The following ORC2 variants were observed in gnomAD, a reference collection of about 807,000 sequenced individuals.
ORC2 encodes the protein origin recognition complex subunit 2, also known as origin recognition complex protein 2 homolog.
Under a neutral mutation model 77.7 loss-of-function variants are expected in ORC2, and 37 were observed. The observed-to-expected ratio is 0.48, with a 90% CI of 0.37 to 0.63. The LOEUF is 0.63. Among genes scored for constraint, ORC2 ranks in the 20% least tolerant of loss-of-function variants. The pLI is 0.00. For synonymous variants in ORC2, 201 were observed against 229.5 expected (o/e 0.88, Z 1.12); for missense variants, 557 against 661.9 (o/e 0.84, Z 1.74).
chr2:200,950,002 A>G (rs568526427), intron 4 of ORC2, among the ~76,000 whole-genome samples: 25 of 152,238 alleles, frequency 1.6e-4, no homozygotes, highest in African/African-American at 6.0e-4. Context: ...GAAAAGTACA[A>G]TTGTTGAGGT....
At chr2:200,932,485 G>A (rs550402966) in intron 10 of ORC2, among the ~76,000 whole-genome samples, 30 of 151,886 alleles carry the variant, frequency 2.0e-4, no homozygotes, top group African/African-American at 7.0e-4. Flanking sequence ...GAGTACAGGC[G>A]CGTGCCACCA....
At position 200,923,654 on chromosome 2, in the gene ORC2, T is replaced by C. The variant is rs2040794673; in HGVS notation, c.1147+2182A>G. Among the ~76,000 whole-genome samples, 5 of 152,142 alleles carry C rather than the reference T, an allele frequency of 3.3e-5. No individual in the cohort carries two copies. In the South Asian group the frequency reaches 1.0e-3, roughly 32 times the overall value. On this transcript the variant is annotated intron_variant, in intron 13 of 17. Coordinates refer to ENST00000234296, the MANE Select transcript of ORC2 (RefSeq NM_006190.5). ...TGAAGGAAGTTTATATACACAGGTATTTTTTCCCCAAGGCACATCACAGCC... is the reference window on the plus strand; with the variant it reads ...TGAAGGAAGTTTATATACACAGGTACTTTTTCCCCAAGGCACATCACAGCC...
chr2:200,949,237 C>G (rs1490447773), intron 5 of ORC2, among the ~76,000 whole-genome samples: 1 of 146,820 alleles, frequency 6.8e-6, no homozygotes, highest in Non-Finnish European at 1.5e-5. Context: ...TGAGACTCCA[C>G]CTTTAAAAAA....
rs748085370 is a variant in ORC2 at position 200,935,803 on chromosome 2, T to C, written c.604A>G (p.Thr202Ala). ...TTTTGGCTGAATATGACTGCATTAG[T>C]GTCCTCTTCATGTTCCTGTGCAACC... ...EGVAQEHEED[T>A]NAVIFSQKIQ... The change falls in exon 9 of 18, where the codon ACT becomes GCT. Residue 202 changes from threonine to alanine, a missense_variant. Physicochemically the swap from Thr to Ala is moderately conservative, Grantham distance 58 (BLOSUM62 0). Coordinates refer to ENST00000234296, the MANE Select transcript of ORC2 (RefSeq NM_006190.5). The C allele has an allele frequency of 1.2e-6, 2 of 1,613,984 alleles. No individual in the cohort carries two copies. Among genetic ancestry groups the C allele is most frequent in the South Asian group, 1.1e-5 (1 of 91,080 alleles).
chr2:200,931,420 A>G lies in ORC2; in HGVS notation c.836T>C (p.Val279Ala), dbSNP rs745728732. Reference protein sequence around the residue: ...QQTLRNLLSKVSPSFSAELKQ... With the variant: ...QQTLRNLLSKASPSFSAELKQ... ...AAGTTCGGCAGAAAAGGAAGGGGAAACCTTGCTCAATAAGTTACGCAAAGT... is the reference window on the plus strand; with the variant it reads ...AAGTTCGGCAGAAAAGGAAGGGGAAGCCTTGCTCAATAAGTTACGCAAAGT... The change falls in exon 11 of 18, where the codon GTT (valine) becomes GCT (alanine). Residue 279 changes from valine (V) to alanine (A), a missense_variant. Val to Ala is a moderately conservative substitution (Grantham distance 64, BLOSUM62 0). Coordinates refer to ENST00000234296, the MANE Select transcript of ORC2 (RefSeq NM_006190.5). 1.3e-6 allele frequency: 2 copies of G among 1,548,300 alleles called. No individual in the cohort carries two copies. The highest frequency in any genetic ancestry group is 1.7e-6 in the Non-Finnish European group (2 of 1,154,168).
At chr2:200,946,396 A>T (rs2041250840) in intron 5 of ORC2, among the ~76,000 whole-genome samples, 1 of 152,198 alleles carries the variant, frequency 6.6e-6, no homozygotes, top group African/African-American at 2.4e-5. Context: ...TGTAAACACA[A>T]TTAGCAACAA....
rs570440869 is a variant in ORC2 at position 200,949,033 on chromosome 2, G to A, written c.328+521C>T. Among the ~76,000 whole-genome samples the A allele has an allele frequency of 2.6e-5, 4 of 151,990 alleles. No homozygotes were observed. In the South Asian group the frequency reaches 8.3e-4, roughly 32 times the overall value. On this transcript the variant is annotated intron_variant, in intron 5 of 17. Coordinates refer to ENST00000234296, the MANE Select transcript of ORC2 (RefSeq NM_006190.5). ...GTGGGTGGATCACTTGAGGTTTGGA[G>A]TTTGAGACCAACCTGGCCAACATGG...
chr2:200,926,647 A>G (rs2040842610), intron 12 of ORC2, 121 bp downstream of exon 12: 2 of 885,474 alleles, frequency 2.3e-6, no homozygotes. Flanking sequence ...ATTAAGCACT[A>G]TACAATCCTA....
chr2:200,953,950 A>T (rs1442065385), intron 4 of ORC2, among the ~76,000 whole-genome samples: 1 of 152,034 alleles, frequency 6.6e-6, no homozygotes, highest in Non-Finnish European at 1.5e-5. Context: ...CTGAGCAGCT[A>T]GGACTACAGG....
intron 17 of ORC2, among the ~76,000 whole-genome samples, chr2:200,911,807 C>A (rs1420298963): frequency 6.6e-6 from 1 of 152,188 alleles, no homozygotes. Context: ...TCCTCTCCAT[C>A]TATCACATTA....
chr2:200,918,476 TTTC>T (rs1244349863), intron 15 of ORC2, among the ~76,000 whole-genome samples: 1 of 152,004 alleles, frequency 6.6e-6, no homozygotes, highest in Non-Finnish European at 1.5e-5. Flanking sequence ...TCCCTCTTTT[TTTC>T]TTTTTTCTTC....
intron 11 of ORC2, among the ~76,000 whole-genome samples, chr2:200,930,825 G>A (rs2040926437): frequency 6.6e-6 from 1 of 152,046 alleles, no homozygotes; most frequent in African/African-American, 2.4e-5. Context: ...TTAATCTGAG[G>A]TGTGTGAAAA....
chr2:200,941,481 AAAAAATT>A (rs1281855397), intron 6 of ORC2, among the ~76,000 whole-genome samples: 7 of 150,294 alleles, frequency 4.7e-5, no homozygotes, highest in African/African-American at 1.7e-4. Context: ...GTGTCTATTC[AAAAAATT>A]AAAAATTAAA....
In ORC2 at chr2:200,920,089, C is replaced by G. The variant is rs545681764; in HGVS notation, c.1466+133G>C. Reference sequence around the variant, plus strand: ...TGTCTGCCTACTCCATAATCCAGTACTGGTAACTATTATTACTATAATTTC... The same window carrying G: ...TGTCTGCCTACTCCATAATCCAGTAGTGGTAACTATTATTACTATAATTTC... On this transcript the variant is annotated intron_variant, in intron 15 of 17. Transcript: ENST00000234296. 6 of 612,374 alleles carry G rather than the reference C, an allele frequency of 9.8e-6. No homozygotes were observed. In the East Asian group the frequency reaches 1.7e-4, roughly 17 times the overall value. 37.9% of individuals were successfully genotyped at this position (612,374 alleles called of 1,614,324 possible).
Position 200,920,335 on chromosome 2 carries a change from G to A in ORC2, c.1353C>T (p.Tyr451=), listed in dbSNP as rs925635684. ...FNWLWYETTT[Y]SPYTEETSYE... The stretch of plus-strand genomic sequence containing the variant: ...AGGAGGTTTCTTCAGTATAAGGACT[G>A]TATGTAGTAGTTTCATACCAGAGCC... The change falls in exon 15 of 18, where the codon TAC becomes TAT. Residue 451 remains tyrosine, a synonymous_variant. Transcript: ENST00000234296. 8.7e-6 allele frequency: 14 copies of A among 1,612,094 alleles called. No individual in the cohort carries two copies. The Admixed American group carries it at 2.2e-4, about 25-fold the overall frequency.
In ORC2 at chr2:200,935,725, A is replaced by G. The variant is rs2041030058; in HGVS notation, c.682T>C (p.Ser228Pro). 1 of 1,612,026 alleles carries G rather than the reference A, an allele frequency of 6.2e-7. No individual in the cohort carries two copies. The highest frequency in any genetic ancestry group is 1.7e-5 in the Admixed American group (1 of 59,568). ...VSAPVGKETP[S>P]KRMKRDKTSD... ...GTTTTATCTCTTTTCATTCTCTTAG[A>G]AGGTGTTTCTTTGCCAACAGGAGCT... The change falls in exon 9 of 18, where the codon TCT (serine) becomes CCT (proline). Residue 228 changes from serine (S) to proline (P), a missense_variant. By Grantham distance (74) the Ser-to-Pro change is moderately conservative. Coordinates refer to ENST00000234296, the MANE Select transcript of ORC2 (RefSeq NM_006190.5).
At chr2:200,956,487 G>C (rs1025010517) in intron 4 of ORC2, among the ~76,000 whole-genome samples, 2 of 151,562 alleles carry the variant, frequency 1.3e-5, no homozygotes, top group South Asian at 4.2e-4. Context: ...CCAGCTTCCA[G>C]CTAATTAAAA....
chr2:200,962,728 A>T (rs866869756), intron 1 of ORC2, among the ~76,000 whole-genome samples: 1 of 152,250 alleles, frequency 6.6e-6, no homozygotes, highest in African/African-American at 2.4e-5. Flanking sequence ...CTGCTCAATA[A>T]GTGATGATGT....
At chr2:200,931,952 A>G (rs1036361030) in intron 10 of ORC2, among the ~76,000 whole-genome samples, 10 of 152,208 alleles carry the variant, frequency 6.6e-5, no homozygotes, top group African/African-American at 2.2e-4. Flanking sequence ...ATCAGAGATC[A>G]TTTTTTGAAA....
Sources: allele counts gnomAD v4.1 joint callset (sites outside exome capture counted in the v4.1 genomes callset), GRCh38; gene constraint gnomAD v4.1.1; transcripts MANE v1.5; gene names NCBI Gene and HGNC (gene_info 2026-07-23, HGNC 2026-07-21).